The following PTPRD variants were observed in gnomAD, a reference collection of about 807,000 sequenced individuals.
PTPRD encodes the protein receptor-type tyrosine-protein phosphatase delta.
Under a neutral mutation model 214.5 loss-of-function variants are expected in PTPRD, and 34 were observed. The observed-to-expected ratio is 0.16, with a 90% confidence interval of 0.12 to 0.21. The LOEUF (loss-of-function observed/expected upper bound fraction) is 0.21. Ranked by LOEUF, PTPRD falls within the 10% of genes least tolerant of loss-of-function variation. The pLI is 1.00. For missense variants in PTPRD, 2,545 were observed against 2,398.7 expected (o/e 1.06, Z -1.27); for synonymous variants, 1,128 against 845.7 (o/e 1.33, Z -5.79).
intron 5 of PTPRD, among the ~76,000 whole-genome samples, chr9:9,841,118 T>C (rs1377160140): frequency 2.0e-5 from 3 of 152,210 alleles, no homozygotes; most frequent in Non-Finnish European, 4.4e-5. Context: ...GAGCTGAATA[T>C]ATTTTAAAGG....
At chr9:9,135,357 C>T (rs746391563) in intron 10 of PTPRD, among the ~76,000 whole-genome samples, 2 of 152,140 alleles carry the variant, frequency 1.3e-5, no homozygotes, top group African/African-American at 4.8e-5. Context: ...AAACATTTAA[C>T]CTCCCTAGTT....
At chr9:8,627,074 CT>C (rs1212236218) in intron 14 of PTPRD, among the ~76,000 whole-genome samples, 1 of 151,746 alleles carries the variant, frequency 6.6e-6, no homozygotes, top group Non-Finnish European at 1.5e-5. Flanking sequence ...CCTAAATATT[CT>C]TCATGCCCCA....
intron 27 of PTPRD, among the ~76,000 whole-genome samples, chr9:8,492,523 A>G (rs950891924): frequency 2.0e-5 from 3 of 151,976 alleles, no homozygotes; most frequent in Non-Finnish European, 4.4e-5. Flanking sequence ...CCTATTCAGA[A>G]AGTGAATTTC....
intron 2 of PTPRD, among the ~76,000 whole-genome samples, chr9:10,515,025 A>T (rs1158144228): frequency 6.6e-6 from 1 of 152,092 alleles, no homozygotes; most frequent in Non-Finnish European, 1.5e-5. Flanking sequence ...GTACTTAAAA[A>T]GTAATGTAAT....
intron 2 of PTPRD, among the ~76,000 whole-genome samples, chr9:10,464,355 G>C (rs1361510320): frequency 6.6e-6 from 1 of 151,876 alleles, no homozygotes; most frequent in Non-Finnish European, 1.5e-5. Context: ...ACTCCAGCCT[G>C]AGCGATGGAG....
intron 10 of PTPRD, among the ~76,000 whole-genome samples, chr9:9,077,855 T>A (rs963975326): frequency 6.6e-6 from 1 of 152,090 alleles, no homozygotes; most frequent in Non-Finnish European, 1.5e-5. Flanking sequence ...AAATAGTCCC[T>A]CTGTGTACAT....
intron 14 of PTPRD, among the ~76,000 whole-genome samples, chr9:8,581,913 CAAAAAAAAAAAAAAAA>C (rs36007156): frequency 4.3e-4 from 15 of 34,964 alleles, no homozygotes; most frequent in South Asian, 4.0e-3. Context: ...ACTCAATCTC[CAAAAAAAAAAAAAAAA>C]AAAAAAAAAA....
chr9:10,601,730 C>A (rs1238647294), intron 2 of PTPRD, among the ~76,000 whole-genome samples: 1 of 151,692 alleles, frequency 6.6e-6, no homozygotes, highest in African/African-American at 2.4e-5. Flanking sequence ...CTTCTCCAAG[C>A]TTTTCAGCGA....
At chr9:10,575,728 G>A (rs7039334) in intron 2 of PTPRD, among the ~76,000 whole-genome samples, 4,394 of 152,088 alleles carry the variant, frequency 0.029, 217 homozygotes, top group African/African-American at 0.1. Context: ...AGCATTGCTT[G>A]ATGTATTTTC....
intron 9 of PTPRD, among the ~76,000 whole-genome samples, chr9:9,183,837 T>A (rs920583582): frequency 6.6e-5 from 10 of 152,004 alleles, no homozygotes; most frequent in African/African-American, 2.4e-4. Context: ...TCCTTGTCTA[T>A]CCTACTCGTT....
chr9:10,454,915 A>C (rs987080235), intron 2 of PTPRD, among the ~76,000 whole-genome samples: 1 of 151,794 alleles, frequency 6.6e-6, no homozygotes, highest in African/African-American at 2.4e-5. Flanking sequence ...GAGTGCAGAC[A>C]AAAAAGTTCA....
intron 8 of PTPRD, among the ~76,000 whole-genome samples, chr9:9,483,002 C>G (rs1038934103): frequency 7.9e-5 from 12 of 152,080 alleles, no homozygotes; most frequent in Non-Finnish European, 5.9e-5. Context: ...TTTTTCTTCT[C>G]CATCTTAATG....
intron 8 of PTPRD, among the ~76,000 whole-genome samples, chr9:9,501,694 T>A (rs2096420224): frequency 6.6e-6 from 1 of 151,922 alleles, no homozygotes; most frequent in Non-Finnish European, 1.5e-5. Flanking sequence ...TACAAAAGAT[T>A]GAATTTATAA....
At chr9:8,698,167 T>C (rs146453721) in intron 12 of PTPRD, among the ~76,000 whole-genome samples, 7 of 152,348 alleles carry the variant, frequency 4.6e-5, no homozygotes, top group African/African-American at 1.2e-4. Flanking sequence ...AAGTTGATGA[T>C]GTAGATATTG....
intron 3 of PTPRD, among the ~76,000 whole-genome samples, chr9:10,076,902 A>T (rs1438175663): frequency 2.0e-5 from 3 of 152,164 alleles, no homozygotes; most frequent in African/African-American, 7.2e-5. Context: ...GTATTTGTAG[A>T]GTAGATGTTG....
chr9:8,748,016 C>T (rs1019176100), intron 11 of PTPRD, among the ~76,000 whole-genome samples: 1 of 152,078 alleles, frequency 6.6e-6, no homozygotes, highest in Non-Finnish European at 1.5e-5. Flanking sequence ...TAAGATCTAC[C>T]GCGGACCCCT....
chr9:9,789,362 A>T (rs10977977), intron 5 of PTPRD, among the ~76,000 whole-genome samples: 72,683 of 152,034 alleles, frequency 0.48, 18,402 homozygotes, highest in Middle Eastern at 0.6. Context: ...TGGATGTCAC[A>T]TAAGAAGTTC....
At chr9:8,507,768 C>T (rs1254208772) in intron 21 of PTPRD, among the ~76,000 whole-genome samples, 1 of 152,146 alleles carries the variant, frequency 6.6e-6, no homozygotes, top group African/African-American at 2.4e-5. Context: ...ACATAAAGCA[C>T]TTGAAATATT....
chr9:8,844,683 A>C (rs1307672802), intron 11 of PTPRD, among the ~76,000 whole-genome samples: 1 of 152,232 alleles, frequency 6.6e-6, no homozygotes, highest in Non-Finnish European at 1.5e-5. Flanking sequence ...ATGGGTATAA[A>C]TAATACAAAA....
Sources: gnomAD v4.1 joint callset for allele counts (sites outside exome capture counted in the v4.1 genomes callset) on GRCh38, gnomAD v4.1.1 for gene constraint, MANE v1.5 for transcripts, NCBI Gene and HGNC (gene_info 2026-07-23, HGNC 2026-07-21) for gene names.